Variants in TAOK3 observed in about 807,000 individuals in gnomAD.
TAOK3 encodes TAO kinase 3, also known as serine/threonine-protein kinase TAO3.
A neutral mutation model predicts 120.4 loss-of-function variants in TAOK3; 40 were observed. The observed-to-expected ratio is 0.33, with a 90% confidence interval of 0.26 to 0.43. The LOEUF is 0.43. TAOK3 is among the 20% of genes least tolerant of loss of function. TAOK3 has a pLI of 1.00. For missense variants in TAOK3, 821 were observed against 1,112.1 expected (o/e 0.74, Z 3.72); for synonymous variants, 355 against 387.5 (o/e 0.92, Z 0.99).
At chr12:118,219,770 C>CTTTTTTTTT (rs35568926) in intron 9 of TAOK3, among the ~76,000 whole-genome samples, 4 of 58,836 alleles carry the variant, frequency 6.8e-5, no homozygotes, top group African/African-American at 2.1e-4. Flanking sequence ...ACTTTTTTGG[C>CTTTTTTTTT]TTTTTTTTTT....
chr12:118,307,088 T>C (rs1394556631), intron 1 of TAOK3, among the ~76,000 whole-genome samples: 1 of 152,196 alleles, frequency 6.6e-6, no homozygotes, highest in Admixed American at 6.5e-5. Flanking sequence ...ATAATGATTC[T>C]CATTACTAAA....
chr12:118,265,394 G>GAAAAA (rs35810306), intron 2 of TAOK3, among the ~76,000 whole-genome samples: 5 of 68,592 alleles, frequency 7.3e-5, no homozygotes, highest in Admixed American at 1.7e-4. Flanking sequence ...GTCTCAGGAA[G>GAAAAA]AAAAAAAAAA....
At chr12:118,301,501 C>CT (rs1225217794) in intron 1 of TAOK3, among the ~76,000 whole-genome samples, 1 of 152,138 alleles carries the variant, frequency 6.6e-6, no homozygotes, top group African/African-American at 2.4e-5. Context: ...AGATACTTTC[C>CT]TTTTTTCCAT....
chr12:118,220,998 A>G (rs536658018), intron 9 of TAOK3, among the ~76,000 whole-genome samples: 1 of 152,216 alleles, frequency 6.6e-6, no homozygotes, highest in Non-Finnish European at 1.5e-5. Flanking sequence ...CTGGCAAACT[A>G]TGGCCCATGG....
intron 1 of TAOK3, among the ~76,000 whole-genome samples, chr12:118,354,475 T>G (rs1267620988): frequency 6.6e-6 from 1 of 152,118 alleles, no homozygotes; most frequent in Admixed American, 6.5e-5. Flanking sequence ...TTAAAACTCA[T>G]GAATGGGGCC....
chr12:118,191,521 CTA>C (rs1390880940), intron 13 of TAOK3, among the ~76,000 whole-genome samples: 1 of 152,250 alleles, frequency 6.6e-6, no homozygotes, highest in Admixed American at 6.5e-5. Context: ...GTCATAATGG[CTA>C]TGTTTCAAGC....
At chr12:118,265,799 C>T (rs908225583) in intron 2 of TAOK3, among the ~76,000 whole-genome samples, 4 of 152,080 alleles carry the variant, frequency 2.6e-5, no homozygotes, top group Admixed American at 6.6e-5. Context: ...AGAAGGAATA[C>T]GACAGTGCAT....
chr12:118,213,498 C>A (rs940908968), intron 10 of TAOK3, among the ~76,000 whole-genome samples: 1 of 151,972 alleles, frequency 6.6e-6, no homozygotes, highest in East Asian at 1.9e-4. Flanking sequence ...TTAATATTGC[C>A]CCTTTTAAAA....
intron 20 of TAOK3, among the ~76,000 whole-genome samples, chr12:118,151,600 A>G (rs543023649): frequency 6.6e-6 from 1 of 152,328 alleles, no homozygotes; most frequent in South Asian, 2.1e-4. Flanking sequence ...GTTCTAGAAC[A>G]GGAGCTGGGA....
intron 2 of TAOK3, among the ~76,000 whole-genome samples, chr12:118,258,884 T>C (rs2041107398): frequency 6.6e-6 from 1 of 152,154 alleles, no homozygotes; most frequent in Non-Finnish European, 1.5e-5. Flanking sequence ...ACTAAACTTA[T>C]GATAATTAAA....
At chr12:118,191,168 A>T (rs1401404552) in intron 13 of TAOK3, among the ~76,000 whole-genome samples, 2 of 152,220 alleles carry the variant, frequency 1.3e-5, no homozygotes, top group Non-Finnish European at 2.9e-5. Context: ...TTTGGGGAGA[A>T]ATTAAATTTT....
intron 1 of TAOK3, among the ~76,000 whole-genome samples, chr12:118,290,014 G>T (rs1440213891): frequency 6.6e-6 from 1 of 150,848 alleles, no homozygotes; most frequent in African/African-American, 2.4e-5. Context: ...AAAAGAGAAA[G>T]AAATAGAATG....
chr12:118,326,996 C>A (rs1049547058), intron 1 of TAOK3, among the ~76,000 whole-genome samples: 1 of 152,076 alleles, frequency 6.6e-6, no homozygotes, highest in African/African-American at 2.4e-5. Context: ...ACTTTAATAC[C>A]AATTTGCAAC....
intron 2 of TAOK3, among the ~76,000 whole-genome samples, chr12:118,261,154 C>T (rs2041211237): frequency 6.6e-6 from 1 of 152,192 alleles, no homozygotes; most frequent in South Asian, 2.1e-4. Context: ...AAAAACCAAA[C>T]CCACGACCCA....
chr12:118,154,858 G>A (rs1252094138), intron 19 of TAOK3, among the ~76,000 whole-genome samples: 1 of 152,126 alleles, frequency 6.6e-6, no homozygotes, highest in Non-Finnish European at 1.5e-5. Flanking sequence ...AGGCGCACAG[G>A]ATTCCCCCCA....
intron 1 of TAOK3, among the ~76,000 whole-genome samples, chr12:118,291,962 T>G (rs2042501784): frequency 6.6e-6 from 1 of 152,118 alleles, no homozygotes; most frequent in African/African-American, 2.4e-5. Context: ...TACAGGTGCG[T>G]GCCAACACAC....
chr12:118,308,671 T>A (rs1156691260), intron 1 of TAOK3, among the ~76,000 whole-genome samples: 1 of 152,086 alleles, frequency 6.6e-6, no homozygotes, highest in Non-Finnish European at 1.5e-5. Flanking sequence ...GGCTCACACC[T>A]GTAATGGCAG....
At chr12:118,320,313 G>A (rs748320499) in intron 1 of TAOK3, among the ~76,000 whole-genome samples, 12 of 152,142 alleles carry the variant, frequency 7.9e-5, no homozygotes, top group East Asian at 7.7e-4. Flanking sequence ...ACGAGTAGCC[G>A]GGTATGGTGG....
rs573884716 is a variant in TAOK3, at chr12:118,267,373, C to A, written c.-193-614G>T. The stretch of plus-strand genomic sequence containing the variant: ...GGGATTATAGGCATCTGCCACCAAG[C>A]CTGGCTAATGTTTGTATTTTCAGTA... On this transcript the variant is annotated intron_variant, in intron 1 of 20. Transcript: ENST00000392533. Among the ~76,000 whole-genome samples, 11 of 151,838 alleles carry A rather than the reference C, an allele frequency of 7.2e-5. 1 individual carries two copies. In the South Asian group the frequency reaches 2.3e-3, roughly 32 times the overall value.
Sources: allele counts gnomAD v4.1 joint callset (sites outside exome capture counted in the v4.1 genomes callset), GRCh38; gene constraint gnomAD v4.1.1; transcripts MANE v1.5; gene names NCBI Gene and HGNC (gene_info 2026-07-23, HGNC 2026-07-21).